Variants in FARS2 observed in about 807,000 individuals in gnomAD.
FARS2 encodes phenylalanyl-tRNA synthetase 2, mitochondrial, also known as phenylalanine--tRNA ligase, mitochondrial.
Under a neutral mutation model 46.4 loss-of-function variants are expected in FARS2, and 40 were observed. The observed-to-expected ratio is 0.86, with a 90% confidence interval of 0.67 to 1.12. The LOEUF is 1.12. Among genes scored for constraint, FARS2 ranks in the 50% most tolerant of loss-of-function variants. The pLI is 0.00. For synonymous variants in FARS2, 234 were observed against 214.9 expected (o/e 1.09, Z -0.78); for missense variants, 513 against 567.9 (o/e 0.90, Z 0.98).
At chr6:5,324,788 C>T (rs973848347) in intron 1 of FARS2, among the ~76,000 whole-genome samples, 6 of 152,152 alleles carry the variant, frequency 3.9e-5, no homozygotes, top group African/African-American at 1.4e-4. Flanking sequence ...TCTCAGTCCC[C>T]TTCTAGGAAG....
intron 6 of FARS2, among the ~76,000 whole-genome samples, chr6:5,692,738 G>A (rs534733116): frequency 4.6e-5 from 7 of 152,318 alleles, no homozygotes; most frequent in Admixed American, 2.0e-4. Flanking sequence ...ATGTAATGAC[G>A]AATGTATTGA....
intron 4 of FARS2, among the ~76,000 whole-genome samples, chr6:5,519,546 T>G (rs1769005892): frequency 6.6e-6 from 1 of 152,138 alleles, no homozygotes; most frequent in Non-Finnish European, 1.5e-5. Flanking sequence ...GACAGACTGC[T>G]GAGTGAGGAT....
At chr6:5,561,177 G>T (rs1255167419) in intron 5 of FARS2, among the ~76,000 whole-genome samples, 1 of 151,950 alleles carries the variant, frequency 6.6e-6, no homozygotes, top group Non-Finnish European at 1.5e-5. Context: ...TAAAGCTGTT[G>T]GTAATATTCT....
chr6:5,518,370 C>T (rs1322131704), intron 4 of FARS2, among the ~76,000 whole-genome samples: 1 of 152,098 alleles, frequency 6.6e-6, no homozygotes, highest in Non-Finnish European at 1.5e-5. Flanking sequence ...GAGAGAGTTC[C>T]ATTTTGGAAA....
At position 5,727,223 on chromosome 6, in the gene FARS2, T is replaced by C. The variant is rs1760325235; in HGVS notation, c.1218-44068T>C. Among the ~76,000 whole-genome samples, 1 of 152,196 alleles carries C rather than the reference T, an allele frequency of 6.6e-6. No homozygotes were observed. The highest frequency in any genetic ancestry group is 1.5e-5 in the Non-Finnish European group (1 of 68,028). On this transcript the variant is annotated intron_variant, in intron 6 of 6. Coordinates refer to ENST00000274680, the MANE Select transcript of FARS2 (RefSeq NM_006567.5). This position sits in a 1 kb window ranked among gnomAD's most constrained non-coding sequence, Gnocchi z 4.1. ...GGCATGGGAGGGGCTGTTCCTCTCA[T>C]CACTAGTTTTATTCAGTGGTTCAGA... is the stretch of plus-strand genomic sequence containing the variant.
chr6:5,274,720 T>C (rs1364702778), intron 1 of FARS2, among the ~76,000 whole-genome samples: 2 of 151,160 alleles, frequency 1.3e-5, no homozygotes, highest in East Asian at 1.9e-4. Flanking sequence ...CACCATGTCT[T>C]TTTTTTTTGA....
At chr6:5,465,491 C>G (rs1470280988) in intron 4 of FARS2, among the ~76,000 whole-genome samples, 2 of 152,304 alleles carry the variant, frequency 1.3e-5, no homozygotes, top group South Asian at 2.1e-4. Context: ...TAAAACTAGA[C>G]CAGCTCAGCA....
intron 6 of FARS2, among the ~76,000 whole-genome samples, chr6:5,664,634 G>A (rs572002470): frequency 6.6e-6 from 1 of 152,316 alleles, no homozygotes; most frequent in Admixed American, 6.5e-5. Context: ...AATAAGAAGT[G>A]GACATTGTGT....
intron 1 of FARS2, among the ~76,000 whole-genome samples, chr6:5,273,545 T>C (rs1248825910): frequency 6.6e-6 from 1 of 152,146 alleles, no homozygotes; most frequent in African/African-American, 2.4e-5. Flanking sequence ...TTGTGCTCAT[T>C]ATATATTCTG....
intron 1 of FARS2, among the ~76,000 whole-genome samples, chr6:5,276,894 G>A (rs1014198250): frequency 5.3e-5 from 8 of 152,144 alleles, no homozygotes; most frequent in Non-Finnish European, 1.0e-4. Context: ...TATAAATCAG[G>A]CAGCACAGGA....
intron 2 of FARS2, among the ~76,000 whole-genome samples, chr6:5,382,726 A>G (rs182613246): frequency 6.6e-6 from 1 of 152,332 alleles, no homozygotes; most frequent in Admixed American, 6.5e-5. Context: ...TTGTCTGTTT[A>G]TATTAGTCAG....
At chr6:5,515,122 G>T (rs1023936847) in intron 4 of FARS2, among the ~76,000 whole-genome samples, 1 of 152,070 alleles carries the variant, frequency 6.6e-6, no homozygotes, top group African/African-American at 2.4e-5. Flanking sequence ...AATCTATGTG[G>T]CCATAGGGAA....
chr6:5,725,889 G>A (rs553984780), intron 6 of FARS2, among the ~76,000 whole-genome samples: 7 of 152,282 alleles, frequency 4.6e-5, no homozygotes, highest in Non-Finnish European at 8.8e-5. Flanking sequence ...GAGTCGAGAT[G>A]GGGCCACTGC....
chr6:5,503,554 AAATT>A (rs1427228876), intron 4 of FARS2, among the ~76,000 whole-genome samples: 1 of 151,922 alleles, frequency 6.6e-6, no homozygotes, highest in East Asian at 1.9e-4. Context: ...AAAAGAAAAT[AAATT>A]AATTAAAATA....
intron 5 of FARS2, among the ~76,000 whole-genome samples, chr6:5,564,471 C>G (rs574100666): frequency 1.3e-5 from 2 of 152,204 alleles, no homozygotes; most frequent in South Asian, 4.1e-4. Flanking sequence ...TTCACAGGAT[C>G]AAGCAGAGTT....
intron 5 of FARS2, among the ~76,000 whole-genome samples, chr6:5,562,695 T>TACAC (rs35980009): frequency 0.042 from 5,648 of 135,694 alleles, 149 homozygotes; most frequent in Middle Eastern, 0.079. Context: ...CTGTAATTTA[T>TACAC]ACACACACAC....
At chr6:5,487,245 C>T (rs1295024909) in intron 4 of FARS2, among the ~76,000 whole-genome samples, 1 of 152,152 alleles carries the variant, frequency 6.6e-6, no homozygotes, top group Non-Finnish European at 1.5e-5. Flanking sequence ...TGGGTGCCAA[C>T]GTTGTAGGAA....
At chr6:5,605,398 T>C (rs1254375228) in intron 5 of FARS2, among the ~76,000 whole-genome samples, 1 of 152,144 alleles carries the variant, frequency 6.6e-6, no homozygotes, top group Non-Finnish European at 1.5e-5. Flanking sequence ...CTCTAGCCTA[T>C]AGAAAGCTTT....
chr6:5,758,924 G>A (rs1762349100), intron 6 of FARS2, among the ~76,000 whole-genome samples: 1 of 152,064 alleles, frequency 6.6e-6, no homozygotes. Context: ...GCCACATACA[G>A]TGTAATTTAG....
Sources: allele counts gnomAD v4.1 joint callset (sites outside exome capture counted in the v4.1 genomes callset), GRCh38; gene constraint gnomAD v4.1.1; non-coding constraint Gnocchi (gnomAD v3.1); transcripts MANE v1.5; gene names NCBI Gene and HGNC (gene_info 2026-07-23, HGNC 2026-07-21).